SLC44A5: variants seen among roughly 807,000 people sequenced by gnomAD.
The protein encoded by SLC44A5 is choline transporter-like protein 5.
SLC44A5 carries 57 observed loss-of-function variants against 101.8 expected under a neutral mutation model. That is an observed-to-expected ratio of 0.56 (90% CI 0.45 to 0.70). SLC44A5 has a LOEUF of 0.70. Ranked by LOEUF, SLC44A5 falls within the 30% of genes least tolerant of loss-of-function variation. The pLI is 0.00. For missense variants in SLC44A5, 737 were observed against 853.1 expected, an observed-to-expected ratio of 0.86 and a Z score of 1.70; for synonymous variants, 281 against 290.9, an observed-to-expected ratio of 0.97 and a Z score of 0.35.
intron 7 of SLC44A5, among the ~76,000 whole-genome samples, chr1:75,247,775 G>T (rs1649237335): frequency 6.6e-6 from 1 of 152,046 alleles, no homozygotes; most frequent in Non-Finnish European, 1.5e-5. Flanking sequence ...AGTAAATGTG[G>T]ATTTAATACT....
At chr1:75,564,014 C>A (rs1341804200) in intron 1 of SLC44A5, among the ~76,000 whole-genome samples, 1 of 152,120 alleles carries the variant, frequency 6.6e-6, no homozygotes, top group African/African-American at 2.4e-5. Context: ...AAAAAGAAAA[C>A]TGGTGTATTA....
intron 3 of SLC44A5, among the ~76,000 whole-genome samples, chr1:75,366,136 T>C (rs1659840237): frequency 6.6e-6 from 1 of 152,238 alleles, no homozygotes; most frequent in Admixed American, 6.5e-5. Flanking sequence ...AGTTTTATAC[T>C]TTCATGTGTT....
the SLC44A5 span, among the ~76,000 whole-genome samples, chr1:75,677,249 GC>G: frequency 6.6e-6 from 1 of 152,178 alleles, no homozygotes; most frequent in East Asian, 1.9e-4. Flanking sequence ...GAGTAGAAGG[GC>G]TAAAAGTTTA....
At chr1:75,284,775 T>A (rs1192967965) in intron 5 of SLC44A5, among the ~76,000 whole-genome samples, 1 of 152,148 alleles carries the variant, frequency 6.6e-6, no homozygotes, top group Non-Finnish European at 1.5e-5. Flanking sequence ...ATCATACAAT[T>A]TTTGTTTTTA....
At chr1:75,435,642 T>C (rs1043512554) in intron 2 of SLC44A5, among the ~76,000 whole-genome samples, 1 of 152,180 alleles carries the variant, frequency 6.6e-6, no homozygotes, top group Non-Finnish European at 1.5e-5. Context: ...CAGGTAAAGC[T>C]GGCTCATTCC....
chr1:75,368,026 C>G (rs1659977653), intron 3 of SLC44A5, among the ~76,000 whole-genome samples: 1 of 152,174 alleles, frequency 6.6e-6, no homozygotes, highest in Admixed American at 6.5e-5. Flanking sequence ...GAGCACTTAA[C>G]AGTTTCTAAA....
intron 5 of SLC44A5, among the ~76,000 whole-genome samples, chr1:75,291,094 T>C (rs142835249): frequency 6.6e-6 from 1 of 152,166 alleles, no homozygotes; most frequent in East Asian, 1.9e-4. Context: ...ATAACACCTG[T>C]GGGTTTTTTT....
intron 4 of SLC44A5, among the ~76,000 whole-genome samples, chr1:75,336,983 T>C (rs1657493850): frequency 6.6e-6 from 1 of 152,166 alleles, no homozygotes; most frequent in Admixed American, 6.5e-5. Flanking sequence ...CTGAAAATGG[T>C]TGAGGGTTCA....
At chr1:75,206,680 G>A in intron 23 of SLC44A5, 1 of 1,612,960 alleles carries the variant, frequency 6.2e-7, no homozygotes, top group Non-Finnish European at 8.5e-7. Flanking sequence ...TACGAAGTAG[G>A]GTTTTTCTGT....
At chr1:75,366,686 T>C (rs901940965) in intron 3 of SLC44A5, among the ~76,000 whole-genome samples, 2 of 125,746 alleles carry the variant, frequency 1.6e-5, no homozygotes, top group African/African-American at 6.8e-5. Flanking sequence ...TGATGTACCA[T>C]AGGCGCTGTA....
At chr1:75,455,380 A>T (rs1418230806) in intron 2 of SLC44A5, among the ~76,000 whole-genome samples, 1 of 152,166 alleles carries the variant, frequency 6.6e-6, no homozygotes, top group Non-Finnish European at 1.5e-5. Context: ...TGGATTAAAT[A>T]TTTAAATATA....
intron 9 of SLC44A5, among the ~76,000 whole-genome samples, chr1:75,240,154 T>C (rs112714519): frequency 1.0e-3 from 154 of 152,256 alleles, no homozygotes; most frequent in African/African-American, 3.6e-3. Flanking sequence ...ACCTACAGTG[T>C]ACTATATTAA....
the SLC44A5 span, among the ~76,000 whole-genome samples, chr1:75,702,154 A>G: frequency 6.6e-6 from 1 of 152,156 alleles, no homozygotes; most frequent in African/African-American, 2.4e-5. Context: ...TTGGAAAAAA[A>G]CTACTTTAAA....
At chr1:75,349,092 G>T (rs1175944580) in intron 3 of SLC44A5, among the ~76,000 whole-genome samples, 1 of 152,204 alleles carries the variant, frequency 6.6e-6, no homozygotes, top group Non-Finnish European at 1.5e-5. Context: ...GCTCACACCT[G>T]TAATCCCAGC....
chr1:75,264,033 G>T (rs1021548193), intron 6 of SLC44A5, among the ~76,000 whole-genome samples: 1 of 150,314 alleles, frequency 6.7e-6, no homozygotes, highest in Admixed American at 6.7e-5. Context: ...TAGTGTAGAC[G>T]ACAGGTTGAT....
At chr1:75,226,719 A>C (rs1014777832) in intron 13 of SLC44A5, among the ~76,000 whole-genome samples, 1 of 152,058 alleles carries the variant, frequency 6.6e-6, no homozygotes, top group African/African-American at 2.4e-5. Flanking sequence ...CAAGAATATA[A>C]AGATGATTTT....
At chr1:75,403,446 G>A (rs990087908) in intron 2 of SLC44A5, among the ~76,000 whole-genome samples, 1 of 152,122 alleles carries the variant, frequency 6.6e-6, no homozygotes, top group Non-Finnish European at 1.5e-5. Context: ...ATAGAAGAGA[G>A]CTCTGGCTGG....
chr1:75,264,356 T>A lies in SLC44A5; in HGVS notation c.260+10602A>T, dbSNP rs931690366. Among the ~76,000 whole-genome samples the A allele has an allele frequency of 3.3e-5, 5 of 152,148 alleles. No homozygotes were observed. The South Asian group carries it at 1.0e-3, about 32-fold the overall frequency. ...TGCCCAGTGGCAGGGCTGCCACACG[T>A]TTACAGTTCCCTGAGAAAGATTATT... On this transcript the variant is annotated intron_variant, in intron 6 of 23. Coordinates refer to ENST00000370859, the MANE Select transcript of SLC44A5 (RefSeq NM_001130058.2).
intron 2 of SLC44A5, among the ~76,000 whole-genome samples, chr1:75,436,008 T>A (rs1299264631): frequency 6.6e-6 from 1 of 152,122 alleles, no homozygotes; most frequent in East Asian, 1.9e-4. Context: ...AAAATAAATT[T>A]AAAAACATAA....
Sources: allele counts gnomAD v4.1 joint callset (sites outside exome capture counted in the v4.1 genomes callset), GRCh38; gene constraint gnomAD v4.1.1; transcripts MANE v1.5; gene names NCBI Gene and HGNC (gene_info 2026-07-23, HGNC 2026-07-21).